CCDC171: variants seen among roughly 807,000 people sequenced by gnomAD.
CCDC171 encodes coiled-coil domain containing 171.
A neutral mutation model predicts 168.2 loss-of-function variants in CCDC171; 177 were observed. The ratio of observed to expected loss-of-function variants is 1.05; its 90% CI spans 0.93 to 1.19. The LOEUF (loss-of-function observed/expected upper bound fraction) is 1.19. Among genes scored for constraint, CCDC171 ranks in the 50% most tolerant of loss-of-function variants. CCDC171 has a pLI of 0.00. For synonymous variants in CCDC171, 687 were observed against 540.8 expected (o/e 1.27, Z -3.75); for missense variants, 1,991 against 1,539.0 (o/e 1.29, Z -4.91).
At chr9:15,580,404 A>G (rs1326210320) in intron 4 of CCDC171, among the ~76,000 whole-genome samples, 1 of 152,198 alleles carries the variant, frequency 6.6e-6, no homozygotes, top group African/African-American at 2.4e-5. Context: ...ATTAAACTAA[A>G]AAGCTTTTGC....
intron 23 of CCDC171, among the ~76,000 whole-genome samples, chr9:15,858,458 C>T (rs537260353): frequency 3.3e-5 from 5 of 152,002 alleles, no homozygotes; most frequent in Admixed American, 6.6e-5. Context: ...TGCAAAAATG[C>T]CACTGGGATT....
the CCDC171 span, among the ~76,000 whole-genome samples, chr9:16,080,434 G>T: frequency 1.3e-5 from 2 of 151,984 alleles, no homozygotes; most frequent in Non-Finnish European, 2.9e-5. Flanking sequence ...TTTCTGTTAA[G>T]CTTCTTAATT....
the CCDC171 span, among the ~76,000 whole-genome samples, chr9:16,097,677 C>G: frequency 1.0e-3 from 153 of 152,322 alleles, 3 homozygotes; most frequent in South Asian, 0.031. Context: ...CCATATACTT[C>G]TATGTTCTGC....
At chr9:15,941,683 A>G (rs769187589) in intron 25 of CCDC171, among the ~76,000 whole-genome samples, 2 of 151,982 alleles carry the variant, frequency 1.3e-5, no homozygotes, top group Non-Finnish European at 2.9e-5. Context: ...AAGTGCTACA[A>G]TATATAATTT....
chr9:16,000,914 AGGAGGATGGAGTGGAGTGGGAAG>A (rs1832523569), intron 3 of CCDC171, among the ~76,000 whole-genome samples: 1 of 151,944 alleles, frequency 6.6e-6, no homozygotes, highest in African/African-American at 2.4e-5. Context: ...TTGATGGGGG[AGGAGGATGGAGTGGAGTGGGAAG>A]GGAGGATCAT....
At chr9:16,002,861 C>CACAGTAT (rs1166471420) in intron 3 of CCDC171, among the ~76,000 whole-genome samples, 1 of 152,196 alleles carries the variant, frequency 6.6e-6, no homozygotes, top group African/African-American at 2.4e-5. Flanking sequence ...TGTGTTACAA[C>CACAGTAT]TGCCTACAGT....
intron 21 of CCDC171, among the ~76,000 whole-genome samples, chr9:15,843,490 CA>C (rs1162092926): frequency 6.6e-6 from 1 of 151,810 alleles, no homozygotes; most frequent in Non-Finnish European, 1.5e-5. Flanking sequence ...GACCTGAGTA[CA>C]AAATGAGGGC....
At chr9:15,626,613 C>T (rs527399414) in intron 7 of CCDC171, among the ~76,000 whole-genome samples, 4 of 152,226 alleles carry the variant, frequency 2.6e-5, no homozygotes, top group South Asian at 2.1e-4. Context: ...TGATGGATTA[C>T]GTTTATTGAT....
intron 4 of CCDC171, among the ~76,000 whole-genome samples, chr9:15,581,215 A>G (rs545221518): frequency 1.2e-4 from 18 of 152,308 alleles, no homozygotes; most frequent in African/African-American, 4.3e-4. Flanking sequence ...CTAGGAATCA[A>G]CTTACAAGGG....
At chr9:15,926,318 C>G (rs1825887186) in intron 25 of CCDC171, among the ~76,000 whole-genome samples, 1 of 151,612 alleles carries the variant, frequency 6.6e-6, no homozygotes, top group African/African-American at 2.4e-5. Flanking sequence ...TCCATTCCCC[C>G]TCTTAATTAA....
At chr9:15,884,249 G>T (rs971279501) in intron 24 of CCDC171, among the ~76,000 whole-genome samples, 2 of 143,498 alleles carry the variant, frequency 1.4e-5, no homozygotes, top group African/African-American at 2.5e-5. Context: ...ACCTGGTCTG[G>T]TGCATCTTTG....
At chr9:16,009,705 A>C (rs1832809683) in intron 3 of CCDC171, among the ~76,000 whole-genome samples, 1 of 152,350 alleles carries the variant, frequency 6.6e-6, no homozygotes, top group East Asian at 1.9e-4. Context: ...AATGATGTGA[A>C]TATAAGTGAC....
chr9:15,623,964 A>C (rs145321364), intron 7 of CCDC171, among the ~76,000 whole-genome samples: 4 of 152,326 alleles, frequency 2.6e-5, no homozygotes, highest in African/African-American at 9.6e-5. Flanking sequence ...TTGTTAGTTC[A>C]TCTTTTTAAA....
At chr9:15,574,839 C>G (rs949118321) in intron 3 of CCDC171, among the ~76,000 whole-genome samples, 18 of 152,230 alleles carry the variant, frequency 1.2e-4, no homozygotes, top group African/African-American at 4.1e-4. Flanking sequence ...TTTTTCTGAG[C>G]TACAGGTTTC....
intron 6 of CCDC171, among the ~76,000 whole-genome samples, chr9:15,603,407 C>T (rs533721191): frequency 1.2e-4 from 18 of 152,282 alleles, no homozygotes; most frequent in Admixed American, 9.2e-4. Flanking sequence ...TCCCTCCCTT[C>T]ACTCCACCCT....
At chr9:16,006,223 A>G (rs866257755) in intron 3 of CCDC171, among the ~76,000 whole-genome samples, 4 of 152,152 alleles carry the variant, frequency 2.6e-5, no homozygotes, top group African/African-American at 9.7e-5. Flanking sequence ...CTAGCAATAT[A>G]TAAGGGTTCC....
intron 1 of CCDC171, among the ~76,000 whole-genome samples, chr9:16,054,633 G>T (rs1887673): frequency 0.017 from 2,568 of 152,298 alleles, 87 homozygotes; most frequent in African/African-American, 0.059. Flanking sequence ...CATGGAAACT[G>T]CCGGCTTCAA....
At chr9:15,572,329 C>G (rs2040296447) in intron 3 of CCDC171, among the ~76,000 whole-genome samples, 1 of 151,944 alleles carries the variant, frequency 6.6e-6, no homozygotes, top group Admixed American at 6.6e-5. Context: ...CCTTTTTTCT[C>G]TGATAAGTCT....
At chr9:15,872,493 G>T (rs983654259) in intron 23 of CCDC171, among the ~76,000 whole-genome samples, 8 of 151,884 alleles carry the variant, frequency 5.3e-5, no homozygotes, top group African/African-American at 1.9e-4. Flanking sequence ...ATTGCTTATG[G>T]TTTTTTTCCC....
Sources: allele counts gnomAD v4.1 joint callset (sites outside exome capture counted in the v4.1 genomes callset), GRCh38; gene constraint gnomAD v4.1.1; transcripts MANE v1.5; gene names NCBI Gene and HGNC (gene_info 2026-07-23, HGNC 2026-07-21).